Variants in DLGAP2 observed in about 807,000 individuals in gnomAD.
The protein encoded by DLGAP2 is disks large-associated protein 2.
In DLGAP2, 26 loss-of-function variants were observed where a neutral mutation model predicts 100.3. The observed-to-expected ratio is 0.26, with a 90% confidence interval of 0.19 to 0.36. The LOEUF (loss-of-function observed/expected upper bound fraction) is 0.36. Among genes scored for constraint, DLGAP2 ranks in the 10% least tolerant of loss-of-function variants. DLGAP2 has a pLI of 1.00. For missense variants in DLGAP2, 1,858 were observed against 1,453.2 expected (o/e 1.28, Z -4.53); for synonymous variants, 886 against 630.1 (o/e 1.41, Z -6.08).
At chr8:1,327,224 G>A (rs539077308) in intron 3 of DLGAP2, among the ~76,000 whole-genome samples, 2 of 152,228 alleles carry the variant, frequency 1.3e-5, no homozygotes, top group African/African-American at 4.8e-5. Flanking sequence ...AATTTTACAG[G>A]TAAGGCTGAG....
intron 6 of DLGAP2, among the ~76,000 whole-genome samples, chr8:1,605,380 G>A (rs1796763508): frequency 1.3e-5 from 2 of 152,144 alleles, no homozygotes; most frequent in African/African-American, 4.8e-5. Context: ...GCGTGCCTCT[G>A]AGATGCTTGA....
At chr8:986,360 T>C (rs1443597183) in intron 2 of DLGAP2, among the ~76,000 whole-genome samples, 2 of 152,232 alleles carry the variant, frequency 1.3e-5, no homozygotes, top group Admixed American at 1.3e-4. Flanking sequence ...GGGATATATG[T>C]GCAGAACGTG....
intron 8 of DLGAP2, among the ~76,000 whole-genome samples, chr8:1,633,885 C>T (rs1797709739): frequency 6.6e-6 from 1 of 152,136 alleles, no homozygotes; most frequent in Non-Finnish European, 1.5e-5. Flanking sequence ...TGATGAATAG[C>T]ATTAGGAACA....
intron 3 of DLGAP2, among the ~76,000 whole-genome samples, chr8:1,462,233 A>G (rs1371696589): frequency 5.2e-4 from 26 of 49,660 alleles, no homozygotes; most frequent in East Asian, 2.7e-3. Flanking sequence ...GGTGGCGTTC[A>G]GGTTGGGAGA....
chr8:1,636,984 C>T (rs1050687646), intron 8 of DLGAP2, among the ~76,000 whole-genome samples: 2 of 152,208 alleles, frequency 1.3e-5, no homozygotes, highest in Non-Finnish European at 2.9e-5. Context: ...TAAACCCGGC[C>T]GATGGCTGCC....
rs546038010 is a variant in DLGAP2, at chr8:1,113,091, G to C, written c.74-145760G>C. ...TCTGTTTTTGTACCACTGTCATGCT[G>C]TTTGTTACTGTAGCCCTGTAGTATC... On this transcript the variant is annotated intron_variant, in intron 2 of 14. Coordinates refer to ENST00000637795, the MANE Select transcript of DLGAP2 (RefSeq NM_001346810.2). 2.6e-5 allele frequency among the ~76,000 whole-genome samples: 4 copies of C among 152,214 alleles called. No homozygotes were observed. In the East Asian group the frequency reaches 5.8e-4, roughly 22 times the overall value.
chr8:995,981 T>A (rs1193138064), intron 2 of DLGAP2, among the ~76,000 whole-genome samples: 1 of 152,146 alleles, frequency 6.6e-6, no homozygotes, highest in Non-Finnish European at 1.5e-5. Context: ...CACCTGAACA[T>A]CCCTCCCTTT....
intron 2 of DLGAP2, among the ~76,000 whole-genome samples, chr8:980,931 CAT>C (rs1398067479): frequency 6.6e-6 from 1 of 152,112 alleles, no homozygotes; most frequent in Non-Finnish European, 1.5e-5. Flanking sequence ...ATGTACATAA[CAT>C]AAAATTTACC....
At chr8:1,223,194 G>C (rs1446739400) in intron 2 of DLGAP2, among the ~76,000 whole-genome samples, 1 of 152,134 alleles carries the variant, frequency 6.6e-6, no homozygotes, top group Admixed American at 6.5e-5. Flanking sequence ...AACAAGTCCT[G>C]GTGCCCAGCA....
chr8:1,661,191 C>G (rs1273716537), intron 8 of DLGAP2, among the ~76,000 whole-genome samples: 1 of 152,160 alleles, frequency 6.6e-6, no homozygotes, highest in African/African-American at 2.4e-5. Context: ...CGTTGGAGCC[C>G]CAGGAGAGCT....
chr8:1,475,244 C>T (rs778540578), intron 3 of DLGAP2, among the ~76,000 whole-genome samples: 2 of 152,102 alleles, frequency 1.3e-5, no homozygotes, highest in African/African-American at 2.4e-5. Context: ...ATCCGTCATA[C>T]CCCAAACCTC....
intron 4 of DLGAP2, among the ~76,000 whole-genome samples, chr8:1,544,173 G>A (rs1801456449): frequency 1.3e-5 from 2 of 152,158 alleles, no homozygotes; most frequent in Admixed American, 6.5e-5. Context: ...AAAGTGCTGG[G>A]ATTACAGGTG....
At chr8:1,257,685 C>A (rs566185276) in intron 2 of DLGAP2, among the ~76,000 whole-genome samples, 1 of 151,646 alleles carries the variant, frequency 6.6e-6, no homozygotes, top group South Asian at 2.1e-4. Context: ...AGGGCCCGTG[C>A]AGGCCAGTGC....
chr8:749,307 C>G (rs1820732016), intron 1 of DLGAP2, among the ~76,000 whole-genome samples: 1 of 152,182 alleles, frequency 6.6e-6, no homozygotes, highest in Admixed American at 6.5e-5. Flanking sequence ...TCTTTTATTT[C>G]TGGTCTTTTT....
At position 1,701,589 on chromosome 8, in the gene DLGAP2, GGAC is replaced by G; in HGVS notation, c.*187_*189del. The G allele has an allele frequency of 4.6e-6, 3 of 645,800 alleles. No individual in the cohort carries two copies. In the South Asian group the frequency reaches 6.0e-5, roughly 13 times the overall value. The allele number at this position is 645,800 out of a possible 1,614,324, so 40.0% of individuals were successfully genotyped here. Reference sequence around the variant, plus strand: ...TCAGAGTCCACGGAGCTCGCGGCGAGGACGACTTCTGCTTTTGTTGTTGTTGTT... The same window carrying G: ...TCAGAGTCCACGGAGCTCGCGGCGAGGACTTCTGCTTTTGTTGTTGTTGTT... On this transcript the variant is annotated 3_prime_UTR_variant, in exon 15 of 15. Transcript: ENST00000637795.
At chr8:1,169,953 C>G (rs1300347942) in intron 2 of DLGAP2, among the ~76,000 whole-genome samples, 2 of 151,960 alleles carry the variant, frequency 1.3e-5, no homozygotes, top group African/African-American at 2.4e-5. Flanking sequence ...GCATCCCTGT[C>G]TTGTGCCAGT....
At chr8:981,741 C>G (rs1800337955) in intron 2 of DLGAP2, among the ~76,000 whole-genome samples, 1 of 152,096 alleles carries the variant, frequency 6.6e-6, no homozygotes, top group Non-Finnish European at 1.5e-5. Context: ...TGATCCAAAT[C>G]CTTTGCTTAT....
chr8:939,889 C>A (rs1265644621), intron 2 of DLGAP2, among the ~76,000 whole-genome samples: 2 of 151,112 alleles, frequency 1.3e-5, no homozygotes, highest in Admixed American at 6.6e-5. Flanking sequence ...GGTGCCCACT[C>A]GGAGGCCCCA....
chr8:1,695,495 A>C (rs1373129706), intron 13 of DLGAP2, among the ~76,000 whole-genome samples: 1 of 136,156 alleles, frequency 7.3e-6, no homozygotes, highest in Non-Finnish European at 1.5e-5. Context: ...GGGCACAGCC[A>C]TGCCCGGCCC....
Sources: allele counts gnomAD v4.1 joint callset (sites outside exome capture counted in the v4.1 genomes callset), GRCh38; gene constraint gnomAD v4.1.1; transcripts MANE v1.5; gene names NCBI Gene and HGNC (gene_info 2026-07-23, HGNC 2026-07-21).